Variants in EEA1 observed in about 807,000 individuals in gnomAD.
EEA1 encodes early endosome antigen 1, 162kD.
In EEA1, 111 loss-of-function variants were observed where a neutral mutation model predicts 209.2. That is an observed-to-expected ratio of 0.53 (90% confidence interval 0.45 to 0.62). The LOEUF (loss-of-function observed/expected upper bound fraction) is 0.62. Among genes scored for constraint, EEA1 ranks in the 20% least tolerant of loss-of-function variants. The pLI, the probability that EEA1 is intolerant of heterozygous loss-of-function variation, is 0.00. For missense variants in EEA1, 1,343 were observed against 1,530.8 expected (o/e 0.88, Z 2.05); for synonymous variants, 536 against 540.6 (o/e 0.99, Z 0.12).
chr12:92,895,338 T>G (rs939143624), intron 1 of EEA1: 4 of 153,398 alleles, frequency 2.6e-5, no homozygotes, highest in African/African-American at 9.7e-5. Flanking sequence ...ATTGTTTTTT[T>G]GTATTTTTAG....
At chr12:92,898,724 TTTTTCCC>T (rs1592766096) in intron 1 of EEA1, among the ~76,000 whole-genome samples, 5 of 142,144 alleles carry the variant, frequency 3.5e-5, no homozygotes, top group East Asian at 2.1e-4. Context: ...TTTTTTCCTT[TTTTTCCC>T]TTTTTTTTTT....
At position 92,811,428 on chromosome 12, in the gene EEA1, T is replaced by G; in HGVS notation, c.2050A>C (p.Asn684His). 23 of 1,556,794 alleles carry G rather than the reference T, an allele frequency of 1.5e-5. No homozygotes were observed. Among genetic ancestry groups the G allele is most frequent in the Non-Finnish European group, 1.9e-5 (22 of 1,156,628 alleles). Residue 684 changes from asparagine (N) to histidine (H), a missense_variant, in exon 17 of 29, where the codon AAT (asparagine) becomes CAT (histidine). Physicochemically the swap from Asn to His is moderately conservative, Grantham distance 68. This residue lies in a region of EEA1 where 1,307 missense variants were observed against 1,465.5 expected (regional missense o/e 0.89). Coordinates refer to ENST00000322349, the MANE Select transcript of EEA1 (RefSeq NM_003566.4). ...TGATCCAACTGAGTAGTAATCTTAT[T>G]TAACTCCTTTAGAAAAGTACAATTG... ...NALQDKQQEL[N>H]KITTQLDQVT... is the part of the protein sequence containing the mutation.
At chr12:92,865,794 G>A (rs985294846) in intron 2 of EEA1, among the ~76,000 whole-genome samples, 1 of 151,276 alleles carries the variant, frequency 6.6e-6, no homozygotes, top group African/African-American at 2.4e-5. Flanking sequence ...CACCCAGGCT[G>A]AAGTGCAATG....
intron 2 of EEA1, among the ~76,000 whole-genome samples, chr12:92,871,034 C>T (rs1421765231): frequency 6.6e-6 from 1 of 151,948 alleles, no homozygotes; most frequent in Admixed American, 6.6e-5. Context: ...TAAGTAAGAG[C>T]AAAGTATTTT....
At chr12:92,854,090 G>T in intron 5 of EEA1, 136 bp from the exon 6 acceptor site, 1 of 606,536 alleles carries the variant, frequency 1.6e-6, no homozygotes, top group Non-Finnish European at 2.7e-6. Context: ...ATTTAAATTT[G>T]GTGGTTTCCA....
chr12:92,914,988 C>T (rs868542260), intron 1 of EEA1, among the ~76,000 whole-genome samples: 9 of 152,118 alleles, frequency 5.9e-5, no homozygotes, highest in African/African-American at 7.2e-5. Flanking sequence ...TACTTAACTT[C>T]TCTAAGCATG....
Position 92,828,069 on chromosome 12 carries a change from A to G in EEA1, c.1255-8T>C, listed in dbSNP as rs747009133. 3.2e-6 allele frequency: 5 copies of G among 1,549,338 alleles called. No individual in the cohort carries two copies. The highest frequency in any genetic ancestry group is 1.4e-5 in the African/African-American group (1 of 71,236). On this transcript the variant is annotated splice_region_variant and splice_polypyrimidine_tract_variant and intron_variant, in intron 11 of 28. Coordinates refer to ENST00000322349, the MANE Select transcript of EEA1 (RefSeq NM_003566.4). Reference sequence around the variant, plus strand: ...CAGAAGTTTGCTATGTAACTTTAAAAAAAGAAAAAAAAATGTATGTACATA... The same window carrying G: ...CAGAAGTTTGCTATGTAACTTTAAAGAAAGAAAAAAAAATGTATGTACATA...
At chr12:92,862,093 G>C (rs755999313) in intron 3 of EEA1, among the ~76,000 whole-genome samples, 6 of 152,152 alleles carry the variant, frequency 3.9e-5, no homozygotes, top group Non-Finnish European at 5.9e-5. Flanking sequence ...GTGGACTTTT[G>C]ATCTAAAAGA....
intron 2 of EEA1, among the ~76,000 whole-genome samples, chr12:92,878,008 A>T (rs774173971): frequency 3.9e-5 from 6 of 152,200 alleles, no homozygotes; most frequent in African/African-American, 7.2e-5. Context: ...GAATGGCCTG[A>T]TCTGATTCCA....
intron 10 of EEA1, among the ~76,000 whole-genome samples, chr12:92,835,883 T>C (rs1249903126): frequency 2.0e-5 from 3 of 152,216 alleles, no homozygotes; most frequent in Non-Finnish European, 4.4e-5. Flanking sequence ...TAAAAGAATC[T>C]AATCCACTCA....
Position 92,812,317 on chromosome 12 carries a change from A to C in EEA1, c.2043+663T>G, listed in dbSNP as rs912688950. 3.3e-5 allele frequency among the ~76,000 whole-genome samples: 5 copies of C among 152,090 alleles called. No individual in the cohort carries two copies. In the East Asian group the frequency reaches 9.6e-4, roughly 29 times the overall value. Reference sequence around the variant, plus strand: ...GCGCTCCAACCTGGGTAACAAGAGCAAAAAACTCCATCTAAAAAAAAAAAA... The same window carrying C: ...GCGCTCCAACCTGGGTAACAAGAGCCAAAAACTCCATCTAAAAAAAAAAAA... On this transcript the variant is annotated intron_variant, in intron 16 of 28. Transcript: ENST00000322349.
rs1364941794 is a variant in EEA1 at position 92,772,579 on chromosome 12, C to A, written c.*3432G>T. 1 of 152,120 alleles carries A rather than the reference C, an allele frequency of 6.6e-6. No homozygotes were observed. The highest frequency in any genetic ancestry group is 1.5e-5 in the Non-Finnish European group (1 of 67,754). 9.4% of individuals were successfully genotyped at this position (152,120 alleles called of 1,614,324 possible). ...AAAAAAGCAACAATTCAATAAGGAT[C>A]CTTCCATTGTTCTTTATACAGATTT... is the stretch of plus-strand genomic sequence containing the variant. On this transcript the variant is annotated 3_prime_UTR_variant, in exon 29 of 29. Transcript: ENST00000322349.
At chr12:92,869,874 AGGT>A (rs1878562864) in intron 2 of EEA1, among the ~76,000 whole-genome samples, 2 of 151,840 alleles carry the variant, frequency 1.3e-5, no homozygotes, top group African/African-American at 4.8e-5. Flanking sequence ...TTGACCCACA[AGGT>A]CCAGAAGGAT....
chr12:92,800,276 A>G (rs1322895870), intron 20 of EEA1, among the ~76,000 whole-genome samples: 1 of 152,112 alleles, frequency 6.6e-6, no homozygotes, highest in East Asian at 1.9e-4. Flanking sequence ...GATCTGGGGC[A>G]TATTTTACTA....
chr12:92,836,924 C>G (rs550913997), intron 10 of EEA1, among the ~76,000 whole-genome samples: 1 of 152,120 alleles, frequency 6.6e-6, no homozygotes, highest in African/African-American at 2.4e-5. Flanking sequence ...AGTTTGAGGC[C>G]AGCCTGACCC....
chr12:92,852,883 A>G, intron 7 of EEA1, 29 bp downstream of exon 7: 2 of 1,517,792 alleles, frequency 1.3e-6, no homozygotes, highest in Non-Finnish European at 1.8e-6. Context: ...AGATTGATTT[A>G]TTGGCTAAAA....
chr12:92,924,162 C>T (rs997431693), intron 1 of EEA1, among the ~76,000 whole-genome samples: 2 of 147,216 alleles, frequency 1.4e-5, no homozygotes, highest in Admixed American at 1.4e-4. Flanking sequence ...CCAAAAACAA[C>T]AACAAAACAC....
intron 18 of EEA1, among the ~76,000 whole-genome samples, chr12:92,802,951 A>AT (rs1317541405): frequency 6.6e-6 from 1 of 152,092 alleles, no homozygotes; most frequent in Non-Finnish European, 1.5e-5. Context: ...CCCAAGTCAA[A>AT]TAAGTTAGTA....
intron 3 of EEA1, among the ~76,000 whole-genome samples, chr12:92,862,652 A>C (rs1263242714): frequency 6.8e-6 from 1 of 147,294 alleles, no homozygotes; most frequent in African/African-American, 2.4e-5. Context: ...TACAAGACTA[A>C]AGATAGAGAG....
Sources: allele counts gnomAD v4.1 joint callset (sites outside exome capture counted in the v4.1 genomes callset), GRCh38; gene constraint gnomAD v4.1.1; regional missense constraint gnomAD v4.1.1; transcripts MANE v1.5; gene names NCBI Gene and HGNC (gene_info 2026-07-23, HGNC 2026-07-21).